BAIAP2L1: variants seen among roughly 807,000 people sequenced by gnomAD.
The protein encoded by BAIAP2L1 is BAR/IMD domain containing adaptor protein 2 like 1, also known as BAR/IMD domain-containing adapter protein 2-like 1.
In BAIAP2L1, 35 loss-of-function variants were observed where a neutral mutation model predicts 66.3. That is an observed-to-expected ratio of 0.53 (90% CI 0.40 to 0.70). The LOEUF (loss-of-function observed/expected upper bound fraction) is 0.70. Among genes scored for constraint, BAIAP2L1 ranks in the 30% least tolerant of loss-of-function variants. The pLI is 0.00. For missense variants in BAIAP2L1, 622 were observed against 656.9 expected (o/e 0.95, Z 0.58); for synonymous variants, 269 against 248.7 (o/e 1.08, Z -0.77).
Position 98,304,207 on chromosome 7 carries a change from T to TCTCGGGCTTGGA in BAIAP2L1, c.1399_1410dup (p.Ser467_Glu470dup). On this transcript the variant is annotated inframe_insertion, in exon 12 of 14. Transcript: ENST00000005260. ...GCGGCTTTACTCACAGGAGCCGCGGTCTCGGGCTTGGACGCTGGGGCCTTA... is the reference window on the plus strand; with the variant it reads ...GCGGCTTTACTCACAGGAGCCGCGGTCTCGGGCTTGGACTCGGGCTTGGACGCTGGGGCCTTA... The TCTCGGGCTTGGA allele has an allele frequency of 6.3e-7, 1 of 1,598,922 alleles. No individual in the cohort carries two copies.
chr7:98,385,960 A>G (rs1001836998), intron 1 of BAIAP2L1: 8 of 1,479,508 alleles, frequency 5.4e-6, no homozygotes, highest in Non-Finnish European at 7.5e-6. Flanking sequence ...TCTAACGAAG[A>G]CATCATGGAG....
intron 7 of BAIAP2L1, among the ~76,000 whole-genome samples, chr7:98,314,263 GT>G (rs2116884624): frequency 6.6e-6 from 1 of 151,990 alleles, no homozygotes; most frequent in African/African-American, 2.4e-5. Context: ...GATTACAGGC[GT>G]GAGCCACCAT....
chr7:98,294,289 G>A (rs1800094182), intron 12 of BAIAP2L1, among the ~76,000 whole-genome samples, 178 bp from the exon 13 acceptor site: 1 of 152,138 alleles, frequency 6.6e-6, no homozygotes, highest in Non-Finnish European at 1.5e-5. Context: ...CGCTGCGACT[G>A]GCCTGTATTG....
intron 2 of BAIAP2L1, among the ~76,000 whole-genome samples, chr7:98,355,806 C>T (rs1307955629): frequency 6.6e-6 from 1 of 152,146 alleles, no homozygotes; most frequent in Non-Finnish European, 1.5e-5. Context: ...TCCAGCACTC[C>T]AGGTCTGCAA....
intron 3 of BAIAP2L1, among the ~76,000 whole-genome samples, chr7:98,337,239 T>C (rs1397325548): frequency 6.6e-6 from 1 of 151,814 alleles, no homozygotes; most frequent in Non-Finnish European, 1.5e-5. Context: ...GATACCATTT[T>C]TTTTTTTTTT....
rs200833881 is a variant in BAIAP2L1 at position 98,355,047 on chromosome 7, T to C, written c.209A>G (p.Glu70Gly). Residue 70 changes from glutamate to glycine, a missense_variant, in exon 3 of 14, where the codon GAA becomes GGA. Coordinates refer to ENST00000005260, the MANE Select transcript of BAIAP2L1 (RefSeq NM_018842.5). ...TAAAGGGACAGATCGCTCACCCAGT[T>C]CAGTTGACACGGGGGACCCAGTGGC... ...EIATGSPVSTELGHVLIEISS... is the reference protein window; with the variant it reads ...EIATGSPVSTGLGHVLIEISS... 1.5e-5 allele frequency: 24 copies of C among 1,612,470 alleles called. No homozygotes were observed. In the Admixed American group the frequency reaches 2.2e-4, roughly 15 times the overall value.
intron 3 of BAIAP2L1, among the ~76,000 whole-genome samples, chr7:98,344,063 A>C (rs1801814863): frequency 6.6e-6 from 1 of 152,154 alleles, no homozygotes; most frequent in Non-Finnish European, 1.5e-5. Flanking sequence ...CTGTAGTCCC[A>C]GCTATAGGGA....
rs74680008 is a variant in BAIAP2L1 at position 98,324,556 on chromosome 7, T to C, written c.215-4258A>G. Among the ~76,000 whole-genome samples the C allele has an allele frequency of 6.1e-3, 928 of 152,272 alleles. 22 individuals are homozygous for C. Among genetic ancestry groups the C allele is most frequent in the Admixed American group, 0.039 (590 of 15,294 alleles). ...TTATTGGTATGAATGCCTAGAACAT[T>C]TTCATTGGAAACACAGGGCCAGGTG... is the stretch of plus-strand genomic sequence containing the variant. On this transcript the variant is annotated intron_variant, in intron 3 of 13. Transcript: ENST00000005260.
intron 2 of BAIAP2L1, among the ~76,000 whole-genome samples, chr7:98,362,066 T>G (rs774694096): frequency 3.3e-5 from 5 of 152,112 alleles, no homozygotes; most frequent in African/African-American, 4.8e-5. Context: ...AAATGTCTCA[T>G]GTACACATTT....
chr7:98,380,041 G>A (rs1049004269), intron 1 of BAIAP2L1, among the ~76,000 whole-genome samples: 9 of 151,400 alleles, frequency 5.9e-5, no homozygotes, highest in South Asian at 2.1e-4. Flanking sequence ...CTTAAAATGC[G>A]TGAATTTTAT....
At chr7:98,380,626 C>T (rs1017163857) in intron 1 of BAIAP2L1, among the ~76,000 whole-genome samples, 1 of 151,314 alleles carries the variant, frequency 6.6e-6, no homozygotes. Context: ...GGACACAGAG[C>T]CAAACCATAT....
At chr7:98,353,796 C>T (rs894786932) in intron 3 of BAIAP2L1, among the ~76,000 whole-genome samples, 1 of 149,216 alleles carries the variant, frequency 6.7e-6, no homozygotes, top group Non-Finnish European at 1.5e-5. Context: ...CCCGTCTCTA[C>T]TAAAAATACA....
chr7:98,340,389 G>C (rs918779699), intron 3 of BAIAP2L1, among the ~76,000 whole-genome samples: 24 of 152,240 alleles, frequency 1.6e-4, no homozygotes, highest in Non-Finnish European at 2.9e-4. Context: ...CCGGGTTCAC[G>C]CCATTCTCTT....
At chr7:98,351,454 C>T (rs1801999261) in intron 3 of BAIAP2L1, among the ~76,000 whole-genome samples, 2 of 152,110 alleles carry the variant, frequency 1.3e-5, no homozygotes, top group Admixed American at 6.6e-5. Flanking sequence ...CAGCTGGGTC[C>T]TGGGAGTGTG....
rs1386050479 is a variant in BAIAP2L1, at chr7:98,305,040, G to GTTT, written c.1242-667_1242-665dup. Among the ~76,000 whole-genome samples the GTTT allele has an allele frequency of 8.0e-5, 7 of 87,138 alleles. No individual in the cohort carries two copies. The South Asian group carries it at 1.3e-3, about 17-fold the overall frequency. The allele number at this position is 87,138 out of a possible 152,430, so 57.2% of individuals were successfully genotyped here. ...GCCACCACGCCCAGCTAATTTTTTT[G>GTTT]TTTTTTGTTTTTTTTTTTTTTTTTT... On this transcript the variant is annotated intron_variant, in intron 11 of 13. Coordinates refer to ENST00000005260, the MANE Select transcript of BAIAP2L1 (RefSeq NM_018842.5).
At chr7:98,310,299 C>T in intron 9 of BAIAP2L1, 146 bp downstream of exon 9, 1 of 820,562 alleles carries the variant, frequency 1.2e-6, no homozygotes, top group Non-Finnish European at 1.8e-6. Flanking sequence ...AACTCACGCT[C>T]TGCAAAGCCA....
chr7:98,395,492 G>A (rs961293312), intron 1 of BAIAP2L1, among the ~76,000 whole-genome samples: 6 of 151,504 alleles, frequency 4.0e-5, no homozygotes, highest in Non-Finnish European at 2.9e-5. Context: ...TGCAGCGACT[G>A]GGAGGTGGCA....
chr7:98,350,736 C>T (rs914276400), intron 3 of BAIAP2L1, among the ~76,000 whole-genome samples: 1 of 152,190 alleles, frequency 6.6e-6, no homozygotes, highest in Non-Finnish European at 1.5e-5. Context: ...ACCCCACAGC[C>T]CCTATTTCTT....
In BAIAP2L1 at chr7:98,390,511, A is replaced by G. The variant is rs1006742525; in HGVS notation, c.51+10291T>C. On this transcript the variant is annotated intron_variant, in intron 1 of 13. Transcript: ENST00000005260. The stretch of plus-strand genomic sequence containing the variant: ...TGGGAGGCCGAGGCGGGCGGATCAC[A>G]AGGTCAGGAGATCGAGACCATCTTG... Among the ~76,000 whole-genome samples the G allele has an allele frequency of 1.7e-4, 26 of 151,712 alleles. No homozygotes were observed. In the South Asian group the frequency reaches 3.8e-3, roughly 22 times the overall value.
Sources: gnomAD v4.1 joint callset for allele counts (sites outside exome capture counted in the v4.1 genomes callset) on GRCh38, gnomAD v4.1.1 for gene constraint, MANE v1.5 for transcripts, NCBI Gene and HGNC (gene_info 2026-07-23, HGNC 2026-07-21) for gene names.